The following RIT2 variants were observed in gnomAD, a reference collection of about 807,000 sequenced individuals.
RIT2 encodes the protein Ras like without CAAX 2.
RIT2 carries 24 observed loss-of-function variants against 23.7 expected under a neutral mutation model. That is an observed-to-expected ratio of 1.01 (90% CI 0.73 to 1.43). The LOEUF (loss-of-function observed/expected upper bound fraction) is 1.43, where lower values mean the gene tolerates loss of function less well. Ranked by LOEUF, RIT2 falls within the 40% of genes most tolerant of loss-of-function variation. The pLI is 0.00. For synonymous variants in RIT2, 107 were observed against 91.1 expected (o/e 1.17, Z -0.99); for missense variants, 236 against 266.9 (o/e 0.88, Z 0.81).
At chr18:42,998,859 T>C (rs1236643944) in intron 2 of RIT2, among the ~76,000 whole-genome samples, 2 of 152,018 alleles carry the variant, frequency 1.3e-5, no homozygotes, top group Non-Finnish European at 2.9e-5. Flanking sequence ...TATTGAATAA[T>C]AAAAGAGGTA....
At chr18:42,756,564 A>G (rs1292485035) in intron 4 of RIT2, among the ~76,000 whole-genome samples, 2 of 152,202 alleles carry the variant, frequency 1.3e-5, no homozygotes, top group African/African-American at 4.8e-5. Flanking sequence ...TTTTTCTCCT[A>G]AAGATTTTGC....
intron 2 of RIT2, among the ~76,000 whole-genome samples, chr18:43,011,774 A>G (rs894208618): frequency 1.3e-5 from 2 of 151,786 alleles, no homozygotes; most frequent in Non-Finnish European, 2.9e-5. Context: ...TTTTTCAGAC[A>G]TCTTAAACTG....
chr18:42,903,399 TAA>T (rs1194828498), intron 4 of RIT2, among the ~76,000 whole-genome samples: 1 of 152,014 alleles, frequency 6.6e-6, no homozygotes, highest in East Asian at 1.9e-4. Flanking sequence ...TTTTCCATTT[TAA>T]AGAGCTGATT....
At chr18:42,878,196 TAA>T (rs1276566400) in intron 4 of RIT2, among the ~76,000 whole-genome samples, 1 of 151,394 alleles carries the variant, frequency 6.6e-6, no homozygotes, top group Non-Finnish European at 1.5e-5. Context: ...AATCTGTGTA[TAA>T]CTTTTGACTC....
At position 42,911,945 on chromosome 18, in the gene RIT2, A is replaced by G. The variant is rs75963790; in HGVS notation, c.426+11627T>C. 6.7e-3 allele frequency among the ~76,000 whole-genome samples: 1,020 copies of G among 152,022 alleles called. 11 individuals carry two copies. The highest frequency in any genetic ancestry group is 0.024 in the African/African-American group (983 of 41,542). On this transcript the variant is annotated intron_variant, in intron 4 of 4. Transcript: ENST00000326695. Reference sequence around the variant, plus strand: ...TCCTAATTCATATTATGAAGCCAGTATTACACTGATACCCAAACCCAACAG... The same window carrying G: ...TCCTAATTCATATTATGAAGCCAGTGTTACACTGATACCCAAACCCAACAG...
chr18:42,780,569 T>C (rs914936273), intron 4 of RIT2, among the ~76,000 whole-genome samples: 1 of 152,170 alleles, frequency 6.6e-6, no homozygotes, highest in South Asian at 2.1e-4. Flanking sequence ...TTTCAACATA[T>C]GTCAAAGAAA....
At chr18:43,063,399 T>C (rs1291398370) in intron 1 of RIT2, among the ~76,000 whole-genome samples, 3 of 152,196 alleles carry the variant, frequency 2.0e-5, no homozygotes, top group Non-Finnish European at 4.4e-5. Context: ...GTAGCCAATT[T>C]CTGGTTTATA....
chr18:43,087,112 T>C (rs1913302225), intron 1 of RIT2, among the ~76,000 whole-genome samples: 1 of 151,904 alleles, frequency 6.6e-6, no homozygotes, highest in African/African-American at 2.4e-5. Context: ...TAGCTGGGTG[T>C]GGTAGCAGGC....
chr18:42,990,907 G>GTTTT (rs1173693509), intron 2 of RIT2, among the ~76,000 whole-genome samples: 3 of 66,392 alleles, frequency 4.5e-5, no homozygotes, highest in South Asian at 1.6e-3. Flanking sequence ...TGCTACACTG[G>GTTTT]TTTTGTTTTT....
intron 2 of RIT2, among the ~76,000 whole-genome samples, chr18:42,995,956 C>T (rs914586626): frequency 6.6e-6 from 1 of 152,196 alleles, no homozygotes; most frequent in African/African-American, 2.4e-5. Context: ...CTGATATCTC[C>T]TGGTGCTATC....
At chr18:42,749,901 T>G (rs562631063) in intron 4 of RIT2, among the ~76,000 whole-genome samples, 1 of 151,632 alleles carries the variant, frequency 6.6e-6, no homozygotes, top group African/African-American at 2.4e-5. Flanking sequence ...ACATGCAAAT[T>G]GTTTACAGTA....
At chr18:42,962,871 C>A (rs1292185102) in intron 3 of RIT2, among the ~76,000 whole-genome samples, 1 of 152,224 alleles carries the variant, frequency 6.6e-6, no homozygotes, top group East Asian at 1.9e-4. Flanking sequence ...GCAGGACAAT[C>A]CTATATAAAG....
chr18:42,766,626 G>C (rs1231447150), intron 4 of RIT2, among the ~76,000 whole-genome samples: 1 of 152,220 alleles, frequency 6.6e-6, no homozygotes, highest in Non-Finnish European at 1.5e-5. Flanking sequence ...GCCGGCTGTA[G>C]AAATTTGCAT....
At chr18:42,899,430 G>A (rs534856814) in intron 4 of RIT2, among the ~76,000 whole-genome samples, 1 of 151,746 alleles carries the variant, frequency 6.6e-6, no homozygotes, top group Non-Finnish European at 1.5e-5. Context: ...TGTCTACAGT[G>A]TCCCATATGT....
chr18:42,845,581 T>G (rs902389150), intron 4 of RIT2, among the ~76,000 whole-genome samples: 1 of 150,354 alleles, frequency 6.7e-6, no homozygotes, highest in Admixed American at 6.6e-5. Flanking sequence ...GTGAAACAAT[T>G]ATAAATATTG....
At chr18:42,766,410 T>C (rs1913422871) in intron 4 of RIT2, among the ~76,000 whole-genome samples, 1 of 152,138 alleles carries the variant, frequency 6.6e-6, no homozygotes, top group Non-Finnish European at 1.5e-5. Flanking sequence ...GCCCCTGCCT[T>C]AGGGATTTAT....
At chr18:43,052,526 C>T (rs1450927042) in intron 1 of RIT2, among the ~76,000 whole-genome samples, 1 of 152,054 alleles carries the variant, frequency 6.6e-6, no homozygotes, top group African/African-American at 2.4e-5. Flanking sequence ...GGATCAGTTC[C>T]AAACTCCCTA....
At chr18:42,970,695 C>T (rs1910341893) in intron 3 of RIT2, among the ~76,000 whole-genome samples, 1 of 152,008 alleles carries the variant, frequency 6.6e-6, no homozygotes, top group South Asian at 2.1e-4. Flanking sequence ...TGGTTTATTA[C>T]CATTAGCAAT....
chr18:43,099,687 C>T (rs1450396525), intron 1 of RIT2, among the ~76,000 whole-genome samples: 1 of 152,056 alleles, frequency 6.6e-6, no homozygotes. Context: ...TCTATAATAT[C>T]AAGAGCCATG....
Sources: allele counts gnomAD v4.1 joint callset (sites outside exome capture counted in the v4.1 genomes callset), GRCh38; gene constraint gnomAD v4.1.1; transcripts MANE v1.5; gene names NCBI Gene and HGNC (gene_info 2026-07-23, HGNC 2026-07-21).